The following PCDHGA1 variants were observed in gnomAD, a reference collection of about 807,000 sequenced individuals.
PCDHGA1 encodes the protein protocadherin gamma subfamily A, 1.
PCDHGA1 carries 32 observed loss-of-function variants against 58.0 expected under a neutral mutation model. The observed-to-expected ratio is 0.55, with a 90% CI of 0.42 to 0.74. The LOEUF (loss-of-function observed/expected upper bound fraction) is 0.74. PCDHGA1 is among the 30% of genes least tolerant of loss of function. The pLI is 0.00. For synonymous variants in PCDHGA1, 498 were observed against 501.1 expected (o/e 0.99, Z 0.08); for missense variants, 1,205 against 1,182.3 (o/e 1.02, Z -0.28).
chr5:141,376,604 C>T (rs1772886423), intron 1 of PCDHGA1: 4 of 1,509,582 alleles, frequency 2.6e-6, no homozygotes, highest in Non-Finnish European at 3.6e-6. Context: ...GTTATAGAAG[C>T]GAACCTCTTT....
intron 1 of PCDHGA1, among the ~76,000 whole-genome samples, chr5:141,455,902 TA>T (rs2098836291): frequency 6.7e-6 from 1 of 149,860 alleles, no homozygotes. Context: ...TTTATTTATT[TA>T]TTTATTTATT....
intron 2 of PCDHGA1, among the ~76,000 whole-genome samples, chr5:141,500,705 T>A (rs1169100560): frequency 6.6e-6 from 1 of 152,220 alleles, no homozygotes; most frequent in Non-Finnish European, 1.5e-5. Context: ...TTGCAGTGTA[T>A]CATGAGAATT....
rs532490777 is a variant in PCDHGA1, at chr5:141,487,782, T to C, written c.2422-7025T>C. 7.2e-6 allele frequency: 11 copies of C among 1,525,744 alleles called. No homozygotes were observed. The South Asian group carries it at 1.2e-4, about 17-fold the overall frequency. The allele number at this position is 1,525,744 out of a possible 1,614,324, so 94.5% of individuals were successfully genotyped here. ...GACGCTGTGCTTTGTAACTGTTTCGTGAATTAACCAGAGTTGTCACAGTTT... is the reference window on the plus strand; with the variant it reads ...GACGCTGTGCTTTGTAACTGTTTCGCGAATTAACCAGAGTTGTCACAGTTT... On this transcript the variant is annotated intron_variant, in intron 1 of 3. Coordinates refer to ENST00000517417, the MANE Select transcript of PCDHGA1 (RefSeq NM_018912.3). This position sits in a 1 kb window ranked among gnomAD's most constrained non-coding sequence, Gnocchi z 5.0.
In PCDHGA1 at chr5:141,370,651, T is replaced by G. The variant is rs779641933; in HGVS notation, c.2421+37546T>G. On this transcript the variant is annotated intron_variant, in intron 1 of 3. Coordinates refer to ENST00000517417, the MANE Select transcript of PCDHGA1 (RefSeq NM_018912.3). Reference sequence around the variant, plus strand: ...AGCCCCGAAAATGGGAACTTACTTGTGAGCGACCGTATAGACCGAGAGGAG... The same window carrying G: ...AGCCCCGAAAATGGGAACTTACTTGGGAGCGACCGTATAGACCGAGAGGAG... 4.3e-6 allele frequency: 7 copies of G among 1,613,800 alleles called. No homozygotes were observed. In the South Asian group the frequency reaches 7.7e-5, roughly 18 times the overall value.
chr5:141,487,275 G>T lies in PCDHGA1; in HGVS notation c.2422-7532G>T, dbSNP rs747253888. 2.5e-6 allele frequency: 4 copies of T among 1,614,158 alleles called. No homozygotes were observed. The highest frequency in any genetic ancestry group is 1.1e-5 in the South Asian group (1 of 91,074). On this transcript the variant is annotated intron_variant, in intron 1 of 3. Coordinates refer to ENST00000517417, the MANE Select transcript of PCDHGA1 (RefSeq NM_018912.3). The surrounding 1 kb of genome is among the most constrained non-coding windows in gnomAD (Gnocchi z 5.0). ...TTGGCTGTGTCCCTAGTGGCAATTT[G>T]CTTTGTCTCCTTTGGCTCATTCGTG...
At chr5:141,394,430 C>T (rs2150569215) in intron 1 of PCDHGA1, 1 of 1,614,244 alleles carries the variant, frequency 6.2e-7, no homozygotes, top group African/African-American at 1.3e-5. Context: ...ACAGCGGGGA[C>T]CCGCCCCTCA....
intron 1 of PCDHGA1, among the ~76,000 whole-genome samples, chr5:141,447,895 G>A (rs931589569): frequency 1.3e-5 from 2 of 152,068 alleles, no homozygotes; most frequent in Non-Finnish European, 2.9e-5. Context: ...AGACCAGCCT[G>A]GCCAACATGG....
At chr5:141,373,534 T>C (rs1191585178) in intron 1 of PCDHGA1, among the ~76,000 whole-genome samples, 1 of 152,172 alleles carries the variant, frequency 6.6e-6, no homozygotes, top group East Asian at 1.9e-4. Flanking sequence ...AAAAAAGTGT[T>C]TGTGGTTGTT....
At position 141,511,076 on chromosome 5, in the gene PCDHGA1, A is replaced by G. The variant is rs201009079; in HGVS notation, c.2699A>G (p.Asn900Ser). 19 of 1,614,218 alleles carry G rather than the reference A, an allele frequency of 1.2e-5. No individual in the cohort carries two copies. In the East Asian group the frequency reaches 3.6e-4, roughly 30 times the overall value. ...CAGAATGTCTACATCCCAGGCAGCA[A>G]TGCCACACTGACCAACGCAGCTGGC... ...YRQNVYIPGS[N>S]ATLTNAAGKR... Residue 900 changes from asparagine (N) to serine (S), a missense_variant, in exon 4 of 4, where the codon AAT (asparagine) becomes AGT (serine). Coordinates refer to ENST00000517417, the MANE Select transcript of PCDHGA1 (RefSeq NM_018912.3).
intron 1 of PCDHGA1, among the ~76,000 whole-genome samples, chr5:141,447,779 A>T (rs770299374): frequency 2.0e-5 from 3 of 152,210 alleles, no homozygotes; most frequent in Non-Finnish European, 4.4e-5. Flanking sequence ...ACTTTAATTG[A>T]AAATAAATTT....
At chr5:141,374,777 G>A (rs755463569) in intron 1 of PCDHGA1, 1 of 1,613,852 alleles carries the variant, frequency 6.2e-7, no homozygotes, top group South Asian at 1.1e-5. Context: ...TCTGGTAACA[G>A]TTCTAGATGT....
chr5:141,499,616 C>T (rs538268323), intron 2 of PCDHGA1, among the ~76,000 whole-genome samples: 2 of 152,058 alleles, frequency 1.3e-5, no homozygotes, highest in South Asian at 4.2e-4. Context: ...CTTATCCTGT[C>T]CTTGGATTCT....
chr5:141,403,248 G>A lies in PCDHGA1; in HGVS notation c.2421+70143G>A, dbSNP rs778873368. 3.1e-6 allele frequency: 5 copies of A among 1,613,928 alleles called. No homozygotes were observed. The Admixed American group carries it at 6.7e-5, about 22-fold the overall frequency. On this transcript the variant is annotated intron_variant, in intron 1 of 3. Transcript: ENST00000517417. ...GACCGGGAGGAGCTCTGTGCTCAGA[G>A]CCCGCGGTGTCTGGTGAACTTTAAA...
At chr5:141,401,835 T>C (rs983491795) in intron 1 of PCDHGA1, among the ~76,000 whole-genome samples, 2 of 152,326 alleles carry the variant, frequency 1.3e-5, no homozygotes, top group South Asian at 4.1e-4. Context: ...AGATTTCTTA[T>C]AATACCACTT....
intron 1 of PCDHGA1, among the ~76,000 whole-genome samples, chr5:141,442,703 C>A (rs1405830887): frequency 6.6e-6 from 1 of 152,218 alleles, no homozygotes; most frequent in Admixed American, 6.5e-5. Flanking sequence ...ACAAGAGTAT[C>A]AGACATGCCA....
rs754033236 is a variant in PCDHGA1 at position 141,330,927 on chromosome 5, T to C, written c.243T>C (p.Ser81=). 118 of 1,614,222 alleles carry C rather than the reference T, an allele frequency of 7.3e-5. 1 individual carries two copies. The highest frequency in any genetic ancestry group is 6.6e-4 in the Middle Eastern group (4 of 6,060). Residue 81 remains serine (S), a synonymous_variant, in exon 1 of 4, where the codon AGT becomes AGC. Transcript: ENST00000517417. ...RMPLFALNPR[S]GSLITARRID... ...CGCTTTTCGCTCTGAATCCTAGAAG[T>C]GGCAGCTTGATCACCGCGCGCAGGA...
intron 1 of PCDHGA1, chr5:141,366,760 T>C (rs1041895625): frequency 1.9e-6 from 3 of 1,605,346 alleles, no homozygotes; most frequent in African/African-American, 2.7e-5. Context: ...AGGTTAGTTT[T>C]CTCTTTCGGT....
In PCDHGA1 at chr5:141,511,540, C is replaced by CTA; in HGVS notation, c.*367_*368insTA. ...ATCCCATGCCTCCCTCCTCCCCACC[C>CTA]CACTCCAACAGTTCCTCTTTCCCGA... On this transcript the variant is annotated 3_prime_UTR_variant, in exon 4 of 4. Transcript: ENST00000517417. 3.0e-6 allele frequency: 1 copy of CTA among 328,024 alleles called. No individual in the cohort carries two copies. Among genetic ancestry groups the CTA allele is most frequent in the South Asian group, 3.2e-5 (1 of 31,610 alleles). 20.3% of individuals were successfully genotyped at this position (328,024 alleles called of 1,614,324 possible). A position where few individuals can be genotyped will look rare whatever the true frequency, so the allele number is the denominator to read the frequency against.
At chr5:141,347,356 T>C (rs771970433) in intron 1 of PCDHGA1, among the ~76,000 whole-genome samples, 1 of 151,926 alleles carries the variant, frequency 6.6e-6, no homozygotes, top group African/African-American at 2.4e-5. Flanking sequence ...GCAATTGCTA[T>C]GTTTCCCAGG....
Sources: gnomAD v4.1 joint callset for allele counts (sites outside exome capture counted in the v4.1 genomes callset) on GRCh38, gnomAD v4.1.1 for gene constraint, Gnocchi (gnomAD v3.1) non-coding constraint, MANE v1.5 for transcripts, NCBI Gene and HGNC (gene_info 2026-07-23, HGNC 2026-07-21) for gene names.